The following ZNF827 variants were observed in gnomAD, a reference collection of about 807,000 sequenced individuals.
ZNF827 encodes the protein zinc finger protein 827.
Under a neutral mutation model 102.4 loss-of-function variants are expected in ZNF827, and 13 were observed. The observed-to-expected ratio is 0.13, with a 90% CI of 0.08 to 0.20. ZNF827 has a LOEUF of 0.20. Ranked by LOEUF, ZNF827 falls within the 10% of genes least tolerant of loss-of-function variation. The pLI, the probability that ZNF827 is intolerant of heterozygous loss-of-function variation, is 1.00. For synonymous variants in ZNF827, 523 were observed against 536.2 expected (o/e 0.98, Z 0.34); for missense variants, 1,103 against 1,344.4 (o/e 0.82, Z 2.81).
intron 8 of ZNF827, among the ~76,000 whole-genome samples, chr4:145,793,576 T>G (rs1465612625): frequency 6.6e-6 from 1 of 151,750 alleles, no homozygotes; most frequent in Non-Finnish European, 1.5e-5. Context: ...GCTGATTAGA[T>G]TGTACCCACC....
chr4:145,864,958 A>G (rs969525891), intron 5 of ZNF827, among the ~76,000 whole-genome samples: 1 of 152,230 alleles, frequency 6.6e-6, no homozygotes, highest in African/African-American at 2.4e-5. Context: ...TTGCTAGACC[A>G]TAATTTTCCA....
chr4:145,913,467 T>C (rs1752442445), intron 1 of ZNF827, among the ~76,000 whole-genome samples: 1 of 148,686 alleles, frequency 6.7e-6, no homozygotes, highest in Non-Finnish European at 1.5e-5. Flanking sequence ...AAAAGAGGCC[T>C]TCCCTTACTA....
At chr4:145,777,744 G>C (rs905664200) in intron 9 of ZNF827, among the ~76,000 whole-genome samples, 1 of 151,980 alleles carries the variant, frequency 6.6e-6, no homozygotes, top group Non-Finnish European at 1.5e-5. Flanking sequence ...AATTCCTTAA[G>C]ATGACCATTA....
intron 4 of ZNF827, among the ~76,000 whole-genome samples, chr4:145,877,353 G>C (rs1749232867): frequency 6.6e-6 from 1 of 151,960 alleles, no homozygotes; most frequent in Non-Finnish European, 1.5e-5. Flanking sequence ...ATGTGCTTTG[G>C]GTAAGAAACT....
intron 5 of ZNF827, among the ~76,000 whole-genome samples, chr4:145,855,719 T>C (rs898455794): frequency 6.6e-6 from 1 of 152,232 alleles, no homozygotes; most frequent in African/African-American, 2.4e-5. Context: ...GAAATGTTTA[T>C]TCCACAGAAG....
At chr4:145,924,148 A>T (rs1204734606) in intron 1 of ZNF827, among the ~76,000 whole-genome samples, 1 of 152,256 alleles carries the variant, frequency 6.6e-6, no homozygotes, top group Admixed American at 6.5e-5. Context: ...AAGGTGCAGA[A>T]CACACACTGT....
intron 8 of ZNF827, among the ~76,000 whole-genome samples, chr4:145,822,614 G>A (rs904724015): frequency 6.6e-6 from 1 of 151,698 alleles, no homozygotes; most frequent in African/African-American, 2.4e-5. Flanking sequence ...GTGCTGCTGA[G>A]ATCCTCTCCA....
chr4:145,912,774 A>G (rs948960937), intron 1 of ZNF827, among the ~76,000 whole-genome samples: 3 of 152,368 alleles, frequency 2.0e-5, no homozygotes, highest in Admixed American at 1.3e-4. Context: ...CCGCCTTCAG[A>G]GCGAGAGTGG....
At chr4:145,778,492 G>A (rs999041221) in intron 9 of ZNF827, among the ~76,000 whole-genome samples, 2 of 152,074 alleles carry the variant, frequency 1.3e-5, no homozygotes, top group South Asian at 4.1e-4. Context: ...TGCACCTGTA[G>A]TCCCAGCTAC....
intron 1 of ZNF827, among the ~76,000 whole-genome samples, chr4:145,926,158 A>G (rs1753403041): frequency 6.6e-6 from 1 of 152,246 alleles, no homozygotes; most frequent in Non-Finnish European, 1.5e-5. Context: ...ACTTTGCTCA[A>G]TTAGTGCTGG....
At chr4:145,779,833 A>C (rs1737698437) in intron 8 of ZNF827, among the ~76,000 whole-genome samples, 1 of 152,228 alleles carries the variant, frequency 6.6e-6, no homozygotes, top group African/African-American at 2.4e-5. Flanking sequence ...ATACTTGTTA[A>C]ATGAGTTGCC....
At chr4:145,808,270 TC>T (rs961932663) in intron 8 of ZNF827, among the ~76,000 whole-genome samples, 17 of 152,164 alleles carry the variant, frequency 1.1e-4, no homozygotes, top group African/African-American at 4.1e-4. Flanking sequence ...TTGGATCTAA[TC>T]TTTTTTTATA....
Position 145,903,174 on chromosome 4 carries a change from C to G in ZNF827, c.85G>C (p.Gly29Arg). The G allele has an allele frequency of 6.2e-7, 1 of 1,613,424 alleles. No individual in the cohort carries two copies. The highest frequency in any genetic ancestry group is 8.5e-7 in the Non-Finnish European group (1 of 1,179,466). ...GAAGAGTTTCCATACCAGTGTTCTC[C>G]TTCACTGAGCTCTCCCTCCGCCTCT... Reference protein sequence around the residue: ...QEEAEGELSEGEHWYGNSSET... With the variant: ...QEEAEGELSEREHWYGNSSET... Residue 29 changes from glycine to arginine, a missense_variant, in exon 2 of 15, where the codon GGA (glycine) becomes CGA (arginine). Physicochemically the swap from Gly to Arg is moderately radical, Grantham distance 125 (BLOSUM62 -2). Transcript: ENST00000508784.
chr4:145,892,068 A>G (rs2126848664), intron 3 of ZNF827, among the ~76,000 whole-genome samples, 175 bp downstream of exon 3: 1 of 152,330 alleles, frequency 6.6e-6, no homozygotes, highest in African/African-American at 2.4e-5. Flanking sequence ...CTTGGCTGCA[A>G]AGTGGACATT....
At chr4:145,882,506 C>G (rs1052444206) in intron 4 of ZNF827, among the ~76,000 whole-genome samples, 1 of 151,952 alleles carries the variant, frequency 6.6e-6, no homozygotes, top group Non-Finnish European at 1.5e-5. Context: ...TAAGAAACCT[C>G]TAACAGGAAT....
At chr4:145,767,433 G>A (rs910287385) in intron 11 of ZNF827, among the ~76,000 whole-genome samples, 1 of 152,150 alleles carries the variant, frequency 6.6e-6, no homozygotes, top group African/African-American at 2.4e-5. Flanking sequence ...AATCCCTGGT[G>A]GGGTGGGGAG....
intron 5 of ZNF827, among the ~76,000 whole-genome samples, chr4:145,857,719 G>A (rs1259623423): frequency 2.6e-5 from 4 of 152,096 alleles, no homozygotes; most frequent in South Asian, 2.1e-4. Context: ...AGATGATGTC[G>A]GGTGGCTCAG....
At position 145,762,803 on chromosome 4, in the gene ZNF827, G is replaced by A. The variant is rs928076706; in HGVS notation, c.*17+287C>T. ...GGAGTCAGTGGCTTATATGAGAACT[G>A]TAGTGTGTTTGCTCTCTTTCCACAA... On this transcript the variant is annotated intron_variant, in intron 14 of 14. Coordinates refer to ENST00000508784, the MANE Select transcript of ZNF827 (RefSeq NM_001306215.2). The surrounding 1 kb of genome is among the most constrained non-coding windows in gnomAD (Gnocchi z 4.9). Among the ~76,000 whole-genome samples, 2 of 152,234 alleles carry A rather than the reference G, an allele frequency of 1.3e-5. No individual in the cohort carries two copies. The highest frequency in any genetic ancestry group is 2.4e-5 in the African/African-American group (1 of 41,460).
intron 7 of ZNF827, among the ~76,000 whole-genome samples, chr4:145,834,025 C>T (rs1327782554): frequency 6.6e-6 from 1 of 152,012 alleles, no homozygotes; most frequent in Admixed American, 6.6e-5. Context: ...ATTCCTCCTT[C>T]TACTCCCTTG....
Sources: allele counts gnomAD v4.1 joint callset (sites outside exome capture counted in the v4.1 genomes callset), GRCh38; gene constraint gnomAD v4.1.1; non-coding constraint Gnocchi (gnomAD v3.1); transcripts MANE v1.5; gene names NCBI Gene and HGNC (gene_info 2026-07-23, HGNC 2026-07-21).